Variants in CEP135 observed in about 807,000 individuals in gnomAD.
The protein encoded by CEP135 is centrosomal protein of 135 kDa.
Under a neutral mutation model 157.3 loss-of-function variants are expected in CEP135, and 142 were observed. That is an observed-to-expected ratio of 0.90 (90% CI 0.79 to 1.04). The LOEUF is 1.04. Among genes scored for constraint, CEP135 ranks in the 50% least tolerant of loss-of-function variants. The pLI is 0.00. For missense variants in CEP135, 1,317 were observed against 1,309.2 expected (o/e 1.01, Z -0.09); for synonymous variants, 396 against 439.8 (o/e 0.90, Z 1.25).
At position 56,019,444 on chromosome 4, in the gene CEP135, CATT is replaced by C; in HGVS notation, c.3105_3107del (p.Leu1037del). 2.5e-6 allele frequency: 4 copies of C among 1,613,840 alleles called. No homozygotes were observed. Among genetic ancestry groups the C allele is most frequent in the Non-Finnish European group, 3.4e-6 (4 of 1,179,878 alleles). ...AGACATACAGTTAAAAACCTCGAATCATTGTTGGCTACAAACAGAGATAAAGAA... is the reference window on the plus strand; with the variant it reads ...AGACATACAGTTAAAAACCTCGAATCGTTGGCTACAAACAGAGATAAAGAA... On this transcript the variant is annotated inframe_deletion, in exon 23 of 26. Transcript: ENST00000257287.
intron 11 of CEP135, among the ~76,000 whole-genome samples, chr4:55,978,740 A>G (rs1729304835): frequency 6.6e-6 from 1 of 152,170 alleles, no homozygotes; most frequent in Admixed American, 6.5e-5. Context: ...TTGCAGAGGC[A>G]GGTCTTGCTC....
intron 19 of CEP135, 52 bp downstream of exon 19, chr4:56,009,955 TA>T (rs779336895): frequency 6.6e-6 from 10 of 1,509,218 alleles, no homozygotes; most frequent in Non-Finnish European, 9.0e-6. Context: ...CATTGTTTGC[TA>T]AATATTAAAG....
chr4:55,953,112 T>A lies in CEP135; in HGVS notation c.141T>A (p.Leu47=). 1.1e-5 allele frequency: 18 copies of A among 1,594,160 alleles called. No homozygotes were observed. Among genetic ancestry groups the A allele is most frequent in the Non-Finnish European group, 1.4e-5 (17 of 1,174,446 alleles). ...FSDLVHTTES[L]RQSKLSAVKA... ...ACTTAGTTCATACAACTGAGAGCCT[T>A]CGGCAATCAAAATTATCTGCTGTGA... The change falls in exon 3 of 26, where the codon CTT becomes CTA. Residue 47 remains leucine, a synonymous_variant. Coordinates refer to ENST00000257287, the MANE Select transcript of CEP135 (RefSeq NM_025009.5).
chr4:55,989,166 A>G (rs927945751), intron 14 of CEP135, among the ~76,000 whole-genome samples: 2 of 152,180 alleles, frequency 1.3e-5, no homozygotes, highest in Non-Finnish European at 1.5e-5. Flanking sequence ...TAACTCAAAT[A>G]TGCCACACCC....
chr4:56,025,700 A>T (rs962520833), intron 25 of CEP135, among the ~76,000 whole-genome samples: 2 of 152,176 alleles, frequency 1.3e-5, no homozygotes, highest in African/African-American at 4.8e-5. Context: ...ATTGGAAAGG[A>T]TAGGAACTAG....
intron 6 of CEP135, among the ~76,000 whole-genome samples, 169 bp from the exon 7 acceptor site, chr4:55,964,105 T>A (rs1174578503): frequency 2.6e-5 from 4 of 152,256 alleles, no homozygotes; most frequent in Admixed American, 2.6e-4. Flanking sequence ...TTCTATGTAA[T>A]TTATTTTTGT....
chr4:55,992,959 C>G (rs1218675550), intron 15 of CEP135, among the ~76,000 whole-genome samples: 3 of 152,166 alleles, frequency 2.0e-5, no homozygotes, highest in Admixed American at 2.0e-4. Context: ...GGAAATACCT[C>G]TCTCTAAATT....
intron 9 of CEP135, among the ~76,000 whole-genome samples, chr4:55,970,234 C>G (rs1728987031): frequency 6.6e-6 from 1 of 152,014 alleles, no homozygotes; most frequent in South Asian, 2.1e-4. Flanking sequence ...ATTTCTTGTT[C>G]TGGTAGTCTT....
At chr4:55,981,897 G>T (rs967031037) in intron 13 of CEP135, among the ~76,000 whole-genome samples, 2 of 152,124 alleles carry the variant, frequency 1.3e-5, no homozygotes, top group African/African-American at 4.8e-5. Flanking sequence ...TAAACCCATT[G>T]TAAAGTCTTA....
chr4:56,027,200 T>C (rs1037824598), intron 25 of CEP135, among the ~76,000 whole-genome samples: 2 of 152,242 alleles, frequency 1.3e-5, no homozygotes, highest in Non-Finnish European at 2.9e-5. Flanking sequence ...CACCTTCTTG[T>C]TACAAAGGAT....
chr4:56,019,416 G>A lies in CEP135; in HGVS notation c.3076G>A (p.Glu1026Lys). ...SDLLKKQLSN[E>K]RHTVKNLESL... ...CCTACTGAAAAAACAACTTTCAAATGAGAGACATACAGTTAAAAACCTCGA... is the reference window on the plus strand; with the variant it reads ...CCTACTGAAAAAACAACTTTCAAATAAGAGACATACAGTTAAAAACCTCGA... The change falls in exon 23 of 26, where the codon GAG becomes AAG. Residue 1026 changes from glutamate (E) to lysine (K), a missense_variant. Physicochemically the swap from Glu to Lys is moderately conservative, Grantham distance 56. Coordinates refer to ENST00000257287, the MANE Select transcript of CEP135 (RefSeq NM_025009.5). The A allele has an allele frequency of 6.2e-7, 1 of 1,613,888 alleles. No individual in the cohort carries two copies.
intron 21 of CEP135, among the ~76,000 whole-genome samples, chr4:56,016,806 C>T (rs1292666939): frequency 1.3e-5 from 2 of 151,880 alleles, no homozygotes; most frequent in African/African-American, 4.8e-5. Flanking sequence ...TCCCAAGTAG[C>T]AAGGACTATA....
chr4:55,969,304 G>C (rs1002710240), intron 9 of CEP135, among the ~76,000 whole-genome samples, 176 bp downstream of exon 9: 1 of 152,008 alleles, frequency 6.6e-6, no homozygotes, highest in Non-Finnish European at 1.5e-5. Context: ...GCGCATGCCT[G>C]TAATCCCTGC....
intron 1 of CEP135, 43 bp from the exon 2 acceptor site, chr4:55,952,043 C>A: frequency 1.6e-6 from 1 of 615,300 alleles, no homozygotes. Flanking sequence ...AAACAACAAT[C>A]ATAGCTATAA....
intron 25 of CEP135, among the ~76,000 whole-genome samples, 176 bp downstream of exon 25, chr4:56,024,790 T>TA (rs1442805044): frequency 1.3e-5 from 2 of 151,760 alleles, no homozygotes; most frequent in Non-Finnish European, 2.9e-5. Context: ...TATACAATTG[T>TA]AAAAATTCAT....
At chr4:55,993,957 A>G (rs977039691) in intron 15 of CEP135, among the ~76,000 whole-genome samples, 4 of 152,314 alleles carry the variant, frequency 2.6e-5, no homozygotes, top group East Asian at 1.9e-4. Flanking sequence ...ACCTGGGGAT[A>G]TGGCATTATT....
chr4:55,949,517 A>G (rs1728288739), intron 1 of CEP135, among the ~76,000 whole-genome samples: 1 of 152,158 alleles, frequency 6.6e-6, no homozygotes, highest in Non-Finnish European at 1.5e-5. Context: ...TCCAGCCTTT[A>G]CTACTTTGAG....
At chr4:55,959,611 C>T in intron 5 of CEP135, 71 bp from the exon 6 acceptor site, 2 of 1,267,984 alleles carry the variant, frequency 1.6e-6, no homozygotes, top group Admixed American at 3.6e-5. Flanking sequence ...TGAAATAACA[C>T]ATCTAGCTTC....
chr4:56,007,489 G>A (rs1730396636), intron 17 of CEP135, among the ~76,000 whole-genome samples: 1 of 152,314 alleles, frequency 6.6e-6, no homozygotes, highest in East Asian at 1.9e-4. Flanking sequence ...CTGATTGGGT[G>A]TCTTTGGCTG....
Sources: allele counts gnomAD v4.1 joint callset (sites outside exome capture counted in the v4.1 genomes callset), GRCh38; gene constraint gnomAD v4.1.1; transcripts MANE v1.5; gene names NCBI Gene and HGNC (gene_info 2026-07-23, HGNC 2026-07-21).